The following UBE2B variants were observed in gnomAD, a reference collection of about 807,000 sequenced individuals.
The protein encoded by UBE2B is ubiquitin conjugating enzyme E2 B.
A neutral mutation model predicts 24.6 loss-of-function variants in UBE2B; 11 were observed. The observed-to-expected ratio is 0.45, with a 90% CI of 0.28 to 0.74. UBE2B has a LOEUF of 0.74. UBE2B is among the 30% of genes least tolerant of loss of function. UBE2B has a pLI of 0.13. For synonymous variants in UBE2B, 68 were observed against 62.4 expected (o/e 1.09, Z -0.42); for missense variants, 78 against 185.6 (o/e 0.42, Z 3.37).
chr5:134,387,404 G>A (rs1037824571), intron 4 of UBE2B, among the ~76,000 whole-genome samples: 149 of 152,228 alleles, frequency 9.8e-4, no homozygotes, highest in African/African-American at 3.3e-3. Flanking sequence ...TTAGAAATAC[G>A]GAATTTAAAT....
intron 4 of UBE2B, chr5:134,388,051 G>C (rs1003898501): frequency 2.4e-6 from 1 of 424,046 alleles, no homozygotes; most frequent in African/African-American, 2.0e-5. Context: ...AATCCTGCCT[G>C]CCTCGGCCTC....
intron 1 of UBE2B, among the ~76,000 whole-genome samples, chr5:134,372,960 T>C (rs1425540198): frequency 6.6e-6 from 1 of 152,206 alleles, no homozygotes; most frequent in Non-Finnish European, 1.5e-5. Context: ...TCATGACAAA[T>C]TCAGATAGTA....
chr5:134,388,047 G>A (rs1352973466), intron 4 of UBE2B: 6 of 415,250 alleles, frequency 1.4e-5, no homozygotes, highest in Non-Finnish European at 2.7e-5. Context: ...AAGCAATCCT[G>A]CCTGCCTCGG....
intron 5 of UBE2B, among the ~76,000 whole-genome samples, chr5:134,389,501 T>A (rs911551074): frequency 6.6e-6 from 1 of 152,186 alleles, no homozygotes; most frequent in Non-Finnish European, 1.5e-5. Flanking sequence ...CTTAAGAATA[T>A]TCTTTTCTGA....
intron 5 of UBE2B, chr5:134,388,941 T>G (rs1197900408): frequency 6.9e-6 from 2 of 290,268 alleles, no homozygotes; most frequent in Non-Finnish European, 1.2e-5. Flanking sequence ...CACACTTCTT[T>G]AATTGTTTTT....
rs1046004620 is a variant in UBE2B at position 134,392,084 on chromosome 5, G to A, written c.*1731G>A. The A allele has an allele frequency of 6.6e-6, 1 of 152,186 alleles. No homozygotes were observed. Among genetic ancestry groups the A allele is most frequent in the Non-Finnish European group, 1.5e-5 (1 of 68,026 alleles). 9.4% of individuals were successfully genotyped at this position (152,186 alleles called of 1,614,324 possible). On this transcript the variant is annotated 3_prime_UTR_variant, in exon 6 of 6. Transcript: ENST00000265339. ...GCTCCCAAAAAGATGCTTTAATTGT[G>A]TGGTGCTTTTATAGTTTAGCTCCAA...
At chr5:134,378,053 C>G (rs1758638304) in intron 3 of UBE2B, among the ~76,000 whole-genome samples, 1 of 152,004 alleles carries the variant, frequency 6.6e-6, no homozygotes, top group Non-Finnish European at 1.5e-5. Context: ...CATGGTGGTA[C>G]ATGCCTTTAG....
At chr5:134,375,883 A>G (rs1758593505) in intron 2 of UBE2B, among the ~76,000 whole-genome samples, 1 of 151,888 alleles carries the variant, frequency 6.6e-6, no homozygotes, top group South Asian at 2.1e-4. Context: ...GGATCTGAGC[A>G]AACAAATCTG....
chr5:134,389,119 G>C lies in UBE2B; in HGVS notation c.330+706G>C, dbSNP rs2149694279. On this transcript the variant is annotated intron_variant, in intron 5 of 5. Transcript: ENST00000265339. ...GGCACATGCTACCACGCCTGGCTAAGTTTTTGTATTTTTAGTAGAGATGGG... is the reference window on the plus strand; with the variant it reads ...GGCACATGCTACCACGCCTGGCTAACTTTTTGTATTTTTAGTAGAGATGGG... 13 of 222,048 alleles carry C rather than the reference G, an allele frequency of 5.9e-5. No homozygotes were observed. In the South Asian group the frequency reaches 6.3e-4, roughly 11 times the overall value. The allele number at this position is 222,048 out of a possible 1,614,324, so 13.8% of individuals were successfully genotyped here.
At chr5:134,376,760 C>A in intron 3 of UBE2B, 66 bp downstream of exon 3, 2 of 1,460,918 alleles carry the variant, frequency 1.4e-6, no homozygotes, top group South Asian at 2.6e-5. Context: ...AATTGTAACA[C>A]CAACATATCT....
chr5:134,387,265 C>T (rs1758822498), intron 4 of UBE2B, among the ~76,000 whole-genome samples: 1 of 151,966 alleles, frequency 6.6e-6, no homozygotes, highest in Non-Finnish European at 1.5e-5. Context: ...GCCTTCTACT[C>T]TTATAAGTAG....
intron 4 of UBE2B, among the ~76,000 whole-genome samples, chr5:134,384,061 T>G (rs6863127): frequency 0.16 from 24,001 of 152,192 alleles, 2,492 homozygotes; most frequent in African/African-American, 0.29. Context: ...TATATTTCTG[T>G]ATTATAAATT....
At chr5:134,374,671 C>T (rs1287635339) in intron 2 of UBE2B, 1 of 548,314 alleles carries the variant, frequency 1.8e-6, no homozygotes, top group African/African-American at 1.9e-5. Flanking sequence ...CGCTGGAGCC[C>T]AGGAGTTCAC....
intron 1 of UBE2B, among the ~76,000 whole-genome samples, chr5:134,372,804 T>C (rs949589201): frequency 2.0e-5 from 3 of 152,240 alleles, no homozygotes; most frequent in African/African-American, 7.2e-5. Flanking sequence ...CAAATTATGA[T>C]GCCCCATGAA....
chr5:134,373,600 C>A (rs1758536412), intron 1 of UBE2B, among the ~76,000 whole-genome samples: 1 of 152,170 alleles, frequency 6.6e-6, no homozygotes. Flanking sequence ...TCGTCACTTG[C>A]ATTAGGTATA....
At position 134,382,992 on chromosome 5, in the gene UBE2B, T is replaced by G. The variant is rs1232456494; in HGVS notation, c.241+2184T>G. Among the ~76,000 whole-genome samples, 4 of 151,066 alleles carry G rather than the reference T, an allele frequency of 2.6e-5. No individual in the cohort carries two copies. The South Asian group carries it at 8.4e-4, about 32-fold the overall frequency. On this transcript the variant is annotated intron_variant, in intron 4 of 5. Transcript: ENST00000265339. ...CCATCCTGGTCAACGTGGTGAAACC[T>G]CATCTCTACCAAAAATACAAAAATT...
chr5:134,378,485 C>T (rs1311721522), intron 3 of UBE2B, among the ~76,000 whole-genome samples: 1 of 152,190 alleles, frequency 6.6e-6, no homozygotes, highest in Non-Finnish European at 1.5e-5. Context: ...GGGCCTTAAA[C>T]TCCTGACCTC....
At position 134,391,858 on chromosome 5, in the gene UBE2B, TAGG is replaced by T; in HGVS notation, c.*1509_*1511del. The T allele has an allele frequency of 6.6e-6, 1 of 152,248 alleles. No individual in the cohort carries two copies. Among genetic ancestry groups the T allele is most frequent in the South Asian group, 2.1e-4 (1 of 4,824 alleles). 9.4% of individuals were successfully genotyped at this position (152,248 alleles called of 1,614,324 possible). A position where few individuals can be genotyped will look rare whatever the true frequency, so the allele number is the denominator to read the frequency against. On this transcript the variant is annotated 3_prime_UTR_variant, in exon 6 of 6. Coordinates refer to ENST00000265339, the MANE Select transcript of UBE2B (RefSeq NM_003337.4). ...GCACTTGCCTGTAGTCTCAGCTACT[TAGG>T]AGGCTGAGGTGGCAGAATAGCTTAT...
intron 5 of UBE2B, among the ~76,000 whole-genome samples, chr5:134,389,436 T>C (rs1298766495): frequency 6.6e-6 from 1 of 152,238 alleles, no homozygotes; most frequent in Non-Finnish European, 1.5e-5. Flanking sequence ...ATTATTGATA[T>C]CTTAACCAAA....
Sources: gnomAD v4.1 joint callset for allele counts (sites outside exome capture counted in the v4.1 genomes callset) on GRCh38, gnomAD v4.1.1 for gene constraint, MANE v1.5 for transcripts, NCBI Gene and HGNC (gene_info 2026-07-23, HGNC 2026-07-21) for gene names.